ADGRF1: variants seen among roughly 807,000 people sequenced by gnomAD.
The protein encoded by ADGRF1 is G protein-coupled receptor 110.
ADGRF1 carries 85 observed loss-of-function variants against 87.2 expected under a neutral mutation model. That is an observed-to-expected ratio of 0.97 (90% CI 0.82 to 1.17). The LOEUF is 1.17. ADGRF1 is among the 50% of genes most tolerant of loss of function. The pLI is 0.00. For synonymous variants in ADGRF1, 430 were observed against 408.8 expected (o/e 1.05, Z -0.63); for missense variants, 1,169 against 1,077.2 (o/e 1.09, Z -1.19).
In ADGRF1 at chr6:47,025,912, C is replaced by T; in HGVS notation, c.219G>A (p.Lys73=). 1.2e-6 allele frequency: 2 copies of T among 1,612,162 alleles called. No individual in the cohort carries two copies. Among genetic ancestry groups the T allele is most frequent in the Non-Finnish European group, 1.7e-6 (2 of 1,179,452 alleles). Residue 73 remains lysine, a synonymous_variant, in exon 4 of 15, where the codon AAG becomes AAA. Transcript: ENST00000371253. ...RDLRNFLKLL[K]PPLLWSHGLI... ...GCCCATGTGACCATAATAATGGAGG[C>T]TTCAAGAGCTTCAGAAAATTTCTCA...
At chr6:47,026,769 C>T (rs80209537) in intron 3 of ADGRF1, among the ~76,000 whole-genome samples, 2,106 of 152,326 alleles carry the variant, frequency 0.014, 30 homozygotes, top group Middle Eastern at 0.041. Flanking sequence ...CATTGCACCC[C>T]ACTCCCATCT....
chr6:47,038,218 A>G (rs1436904303), intron 1 of ADGRF1, among the ~76,000 whole-genome samples: 1 of 152,230 alleles, frequency 6.6e-6, no homozygotes, highest in African/African-American at 2.4e-5. Flanking sequence ...TTAGTCTAAC[A>G]GTTAGTTCTT....
At chr6:47,020,374 T>C in intron 7 of ADGRF1, 1 of 797,522 alleles carries the variant, frequency 1.3e-6, no homozygotes, top group Non-Finnish European at 1.9e-6. Flanking sequence ...CAGGTGTCTG[T>C]AATTCCAGCT....
Position 47,010,007 on chromosome 6 carries a change from T to C in ADGRF1, c.1428A>G (p.Pro476=). 2 of 1,614,186 alleles carry C rather than the reference T, an allele frequency of 1.2e-6. No individual in the cohort carries two copies. Among genetic ancestry groups the C allele is most frequent in the Non-Finnish European group, 1.7e-6 (2 of 1,180,028 alleles). The change falls in exon 11 of 15, where the codon CCA becomes CCG. Residue 476 remains proline, a synonymous_variant. Transcript: ENST00000371253. ...IGSDQFQRSL[P]ETIISMASLT... is the part of the protein sequence containing the mutation. ...ACGAGGCCATGCTGATAATAGTTTCTGGAAGGGATCTCTGGAATTGGTCTG... is the reference window on the plus strand; with the variant it reads ...ACGAGGCCATGCTGATAATAGTTTCCGGAAGGGATCTCTGGAATTGGTCTG...
rs781279971 is a variant in ADGRF1, at chr6:47,020,808, A to G, written c.553-19T>C. On this transcript the variant is annotated intron_variant, in intron 6 of 14. Coordinates refer to ENST00000371253, the MANE Select transcript of ADGRF1 (RefSeq NM_153840.4). ...TTTTAAGCTTAGAAAGAGAACAAAG[A>G]ACAATGTGTTAATTGTTCTTCCCGT... 10 of 1,604,106 alleles carry G rather than the reference A, an allele frequency of 6.2e-6. No individual in the cohort carries two copies. The Admixed American group carries it at 1.7e-4, about 27-fold the overall frequency.
intron 7 of ADGRF1, chr6:47,018,688 G>T (rs749806557): frequency 2.3e-6 from 2 of 863,720 alleles, no homozygotes; most frequent in Non-Finnish European, 3.3e-6. Context: ...AAGGTGTGTG[G>T]GTCATTTGAG....
At chr6:47,016,178 G>A (rs987612385) in intron 8 of ADGRF1, among the ~76,000 whole-genome samples, 5 of 152,182 alleles carry the variant, frequency 3.3e-5, no homozygotes, top group Non-Finnish European at 7.3e-5. Flanking sequence ...AAGATTGAAT[G>A]TAAAAGAAAA....
chr6:47,014,296 T>C (rs1561870271), intron 9 of ADGRF1: 3 of 999,692 alleles, frequency 3.0e-6, no homozygotes, highest in Admixed American at 1.1e-4. Flanking sequence ...GATATATCCT[T>C]ACTTGTACTA....
chr6:47,015,677 T>G (rs1252175436), intron 8 of ADGRF1, among the ~76,000 whole-genome samples: 1 of 151,966 alleles, frequency 6.6e-6, no homozygotes, highest in African/African-American at 2.4e-5. Flanking sequence ...AACCTCCACC[T>G]CCTGGGTTCA....
At position 47,027,759 on chromosome 6, in the gene ADGRF1, T is replaced by C. The variant is rs755781697; in HGVS notation, c.72A>G (p.Lys24=). 2.4e-5 allele frequency: 38 copies of C among 1,558,402 alleles called. No individual in the cohort carries two copies. Among genetic ancestry groups the C allele is most frequent in the South Asian group, 9.0e-5 (8 of 89,360 alleles). ...CTTTTTTTGTTTTGATGCCATCATT[T>C]TTCTGTTAAAAAGAAAAAAAATAGT... The part of the protein sequence containing the change: ...FTDGHGGFLG[K]NDGIKTKKEL... Residue 24 remains lysine (K), a splice_region_variant and synonymous_variant, in exon 3 of 15, where the codon AAA becomes AAG. Transcript: ENST00000371253.
chr6:47,007,958 C>T (rs1437874614), intron 11 of ADGRF1, among the ~76,000 whole-genome samples: 1 of 152,170 alleles, frequency 6.6e-6, no homozygotes, highest in Admixed American at 6.6e-5. Flanking sequence ...AGATGGAGAA[C>T]CAACTTTTAG....
intron 13 of ADGRF1, among the ~76,000 whole-genome samples, chr6:47,002,720 G>T (rs909493567): frequency 6.6e-6 from 1 of 152,098 alleles, no homozygotes; most frequent in Non-Finnish European, 1.5e-5. Flanking sequence ...TGTGGAGGGG[G>T]GTCCATTGAG....
At chr6:47,015,592 A>G (rs1310871048) in intron 8 of ADGRF1, among the ~76,000 whole-genome samples, 2 of 150,714 alleles carry the variant, frequency 1.3e-5, no homozygotes, top group African/African-American at 2.5e-5. Context: ...TTATTTATTT[A>G]TTTATTTATT....
chr6:47,029,154 C>G (rs1025643623), intron 1 of ADGRF1, 50 bp from the exon 2 acceptor site: 20 of 1,045,864 alleles, frequency 1.9e-5, no homozygotes, highest in Middle Eastern at 4.0e-4. Flanking sequence ...ACAAGAAATT[C>G]AAGCCAAAAT....
intron 13 of ADGRF1, among the ~76,000 whole-genome samples, chr6:47,002,740 G>C (rs1779394284): frequency 6.6e-6 from 1 of 152,104 alleles, no homozygotes; most frequent in African/African-American, 2.4e-5. Flanking sequence ...GGCCACCAGA[G>C]TCTGTGACTT....
At chr6:47,002,937 C>A (rs1779401098) in intron 13 of ADGRF1, among the ~76,000 whole-genome samples, 1 of 152,092 alleles carries the variant, frequency 6.6e-6, no homozygotes, top group Admixed American at 6.6e-5. Context: ...GTTCAGGATC[C>A]CTACTTTACT....
chr6:47,036,377 C>T (rs998760534), intron 1 of ADGRF1, among the ~76,000 whole-genome samples: 1 of 152,146 alleles, frequency 6.6e-6, no homozygotes, highest in Non-Finnish European at 1.5e-5. Context: ...TGCACACGTA[C>T]CCCCTGATGC....
At chr6:47,013,476 C>G (rs1779768762) in intron 9 of ADGRF1, 16 of 985,462 alleles carry the variant, frequency 1.6e-5, no homozygotes, top group Non-Finnish European at 1.8e-5. Flanking sequence ...AGGTCTCTGG[C>G]TGGAATAGAA....
chr6:47,006,328 A>G (rs769123425), intron 12 of ADGRF1, among the ~76,000 whole-genome samples: 11 of 152,130 alleles, frequency 7.2e-5, no homozygotes, highest in Non-Finnish European at 1.6e-4. Flanking sequence ...TATTAAAACA[A>G]AGACTATACA....
Sources: gnomAD v4.1 joint callset for allele counts (sites outside exome capture counted in the v4.1 genomes callset) on GRCh38, gnomAD v4.1.1 for gene constraint, MANE v1.5 for transcripts, NCBI Gene and HGNC (gene_info 2026-07-23, HGNC 2026-07-21) for gene names.